The following ANO5 variants were observed in gnomAD, a reference collection of about 807,000 sequenced individuals.
The protein encoded by ANO5 is anoctamin-5.
In ANO5, 109 loss-of-function variants were observed where a neutral mutation model predicts 121.0. The ratio of observed to expected loss-of-function variants is 0.90; its 90% CI spans 0.77 to 1.06. The LOEUF is 1.06. ANO5 is among the 50% of genes least tolerant of loss of function. The pLI is 0.00. For synonymous variants in ANO5, 406 were observed against 359.9 expected (o/e 1.13, Z -1.45); for missense variants, 1,064 against 1,078.5 (o/e 0.99, Z 0.19).
At chr11:22,238,417 C>T (rs1170036015) in intron 8 of ANO5, among the ~76,000 whole-genome samples, 1 of 151,778 alleles carries the variant, frequency 6.6e-6, no homozygotes, top group Non-Finnish European at 1.5e-5. Context: ...TGTAGCCTTT[C>T]AGTAGAGTCA....
chr11:22,272,302 GCACACACACACACACA>G (rs60487083), intron 18 of ANO5, among the ~76,000 whole-genome samples: 254 of 134,568 alleles, frequency 1.9e-3, no homozygotes, highest in African/African-American at 4.6e-3. Context: ...TCCTTTTCCG[GCACACACACACACACA>G]CACACACACA....
intron 17 of ANO5, among the ~76,000 whole-genome samples, chr11:22,269,589 G>A (rs575420024): frequency 6.8e-6 from 1 of 146,044 alleles, no homozygotes; most frequent in Non-Finnish European, 1.5e-5. Context: ...GAAAGAAAGA[G>A]AAAGAAAGAG....
rs754183088 is a variant in ANO5, at chr11:22,257,742, A to G, written c.1395A>G (p.Thr465=). Residue 465 remains threonine, a synonymous_variant, in exon 14 of 22, where the codon ACA becomes ACG. Transcript: ENST00000324559. ...RIPWYFLSGA[T]VTLWMSLVVT... is the part of the protein sequence containing the mutation. ...CATGGTACTTTCTTTCAGGAGCCAC[A>G]GTGACATTATGGGTGAGCATTTCTT... The G allele has an allele frequency of 3.1e-6, 5 of 1,611,356 alleles. No individual in the cohort carries two copies. The highest frequency in any genetic ancestry group is 2.2e-5 in the South Asian group (2 of 91,038).
At chr11:22,251,154 T>A in intron 12 of ANO5, 143 bp downstream of exon 12, 1 of 858,752 alleles carries the variant, frequency 1.2e-6, no homozygotes, top group Non-Finnish European at 1.9e-6. Context: ...AATATACTGA[T>A]GGAGTGCATA....
chr11:22,273,754 T>C (rs1854719081), intron 19 of ANO5, among the ~76,000 whole-genome samples: 3 of 151,874 alleles, frequency 2.0e-5, no homozygotes, highest in Admixed American at 1.3e-4. Context: ...GCTAGTTTAC[T>C]GGAAAGACAA....
chr11:22,236,414 T>A, intron 8 of ANO5, 138 bp downstream of exon 8: 1 of 719,908 alleles, frequency 1.4e-6, no homozygotes. Flanking sequence ...TTCTTGGTTC[T>A]GAGCTGAGAG....
rs767748130 is a variant in ANO5 at position 22,250,720 on chromosome 11, A to T, written c.1014-21A>T. On this transcript the variant is annotated intron_variant, in intron 10 of 21. Coordinates refer to ENST00000324559, the MANE Select transcript of ANO5 (RefSeq NM_213599.3). ...CCTAAACACCTATCACTGTTCAATAACTTTGCTGTTCCTCTTGCAGCACTG... is the reference window on the plus strand; with the variant it reads ...CCTAAACACCTATCACTGTTCAATATCTTTGCTGTTCCTCTTGCAGCACTG... 1.9e-6 allele frequency: 3 copies of T among 1,607,212 alleles called. No homozygotes were observed. In the African/African-American group the frequency reaches 4.0e-5, roughly 22 times the overall value.
intron 1 of ANO5, among the ~76,000 whole-genome samples, chr11:22,194,903 A>G (rs758942720): frequency 4.6e-5 from 7 of 152,220 alleles, no homozygotes; most frequent in African/African-American, 1.7e-4. Context: ...ACATTGATGT[A>G]TCAGTTTTCA....
chr11:22,273,038 G>C, intron 19 of ANO5, 49 bp downstream of exon 19: 3 of 1,539,954 alleles, frequency 1.9e-6, no homozygotes, highest in South Asian at 2.2e-5. Flanking sequence ...ATTTTGGGGG[G>C]TGTGGGGAGA....
At chr11:22,232,487 T>C (rs963847038) in intron 7 of ANO5, among the ~76,000 whole-genome samples, 3 of 151,966 alleles carry the variant, frequency 2.0e-5, no homozygotes, top group Non-Finnish European at 2.9e-5. Flanking sequence ...TGAATGTTTT[T>C]AGATAACAGA....
intron 13 of ANO5, among the ~76,000 whole-genome samples, chr11:22,257,079 T>G (rs563814939): frequency 0.14 from 21,183 of 152,016 alleles, 4,271 homozygotes; most frequent in African/African-American, 0.44. Flanking sequence ...AGCGTTTTTT[T>G]TTTGTTTGTT....
In ANO5 at chr11:22,274,623, G is replaced by A. The variant is rs573638081; in HGVS notation, c.2290G>A (p.Ala764Thr). 1 of 1,612,616 alleles carries A rather than the reference G, an allele frequency of 6.2e-7. No individual in the cohort carries two copies. The highest frequency in any genetic ancestry group is 1.1e-5 in the South Asian group (1 of 91,012). Residue 764 changes from alanine to threonine, a missense_variant, in exon 20 of 22, where the codon GCT (alanine) becomes ACT (threonine). Physicochemically the swap from Ala to Thr is moderately conservative, Grantham distance 58 (BLOSUM62 0). Transcript: ENST00000324559. ...DIIPRLVYYY[A>T]YSTNATQPMT... ...CATTCCCCGTCTAGTTTACTACTAT[G>A]CTTACTCAACAAATGCCACACAGCC...
intron 2 of ANO5, among the ~76,000 whole-genome samples, chr11:22,205,299 CAT>C (rs1307761078): frequency 6.6e-6 from 1 of 151,956 alleles, no homozygotes. Context: ...GCCCACATGA[CAT>C]AAGTTTATGT....
chr11:22,211,403 C>A (rs1035214961), intron 3 of ANO5, 89 bp downstream of exon 3: 58 of 1,405,650 alleles, frequency 4.1e-5, no homozygotes, highest in Middle Eastern at 1.8e-4. Context: ...TTTTCCAGTT[C>A]AGTTATTTGA....
intron 1 of ANO5, 53 bp downstream of exon 1, chr11:22,193,585 C>T (rs1360996280): frequency 1.9e-6 from 3 of 1,589,118 alleles, no homozygotes; most frequent in African/African-American, 1.3e-5. Context: ...TGCCTGCACC[C>T]CTCCACCCGC....
intron 9 of ANO5, 128 bp from the exon 10 acceptor site, chr11:22,250,109 C>T (rs1853754443): frequency 2.4e-6 from 2 of 819,378 alleles, no homozygotes; most frequent in Non-Finnish European, 3.8e-6. Context: ...TGAGTAACTT[C>T]ACCAAAATTA....
chr11:22,271,337 A>G (rs977562566), intron 18 of ANO5, among the ~76,000 whole-genome samples: 1 of 152,090 alleles, frequency 6.6e-6, no homozygotes, highest in Non-Finnish European at 1.5e-5. Flanking sequence ...CGTGAGCCAC[A>G]GCGCCCAGCC....
intron 2 of ANO5, among the ~76,000 whole-genome samples, chr11:22,207,059 G>A (rs1288565776): frequency 1.3e-5 from 2 of 151,940 alleles, no homozygotes; most frequent in Non-Finnish European, 2.9e-5. Context: ...CTGAGTTTAA[G>A]AAGGTTGTAA....
rs963673968 is a variant in ANO5 at position 22,281,588 on chromosome 11, T to A, written c.*1823T>A. ...AGGATCTTTGGCTTGTCAAATCAGA[T>A]TCTCCATTGCTATAGTGTACAGTGC... On this transcript the variant is annotated 3_prime_UTR_variant, in exon 22 of 22. Transcript: ENST00000324559. The A allele has an allele frequency of 2.6e-5, 4 of 152,226 alleles. No homozygotes were observed. The highest frequency in any genetic ancestry group is 2.0e-4 in the Admixed American group (3 of 15,284). The allele number at this position is 152,226 out of a possible 1,614,324, so 9.4% of individuals were successfully genotyped here.
Sources: allele counts gnomAD v4.1 joint callset (sites outside exome capture counted in the v4.1 genomes callset), GRCh38; gene constraint gnomAD v4.1.1; transcripts MANE v1.5; gene names NCBI Gene and HGNC (gene_info 2026-07-23, HGNC 2026-07-21).